Variants in DEPTOR observed in about 807,000 individuals in gnomAD.
DEPTOR encodes the protein DEP domain containing MTOR interacting protein.
A neutral mutation model predicts 41.6 loss-of-function variants in DEPTOR; 41 were observed. That is an observed-to-expected ratio of 0.98 (90% CI 0.77 to 1.28). The LOEUF is 1.28. Among genes scored for constraint, DEPTOR ranks in the 50% most tolerant of loss-of-function variants. The pLI, the probability that DEPTOR is intolerant of heterozygous loss-of-function variation, is 0.00. For missense variants in DEPTOR, 514 were observed against 527.9 expected (o/e 0.97, Z 0.26); for synonymous variants, 195 against 192.3 (o/e 1.01, Z -0.12).
chr8:119,914,231 G>A (rs1284360571), intron 1 of DEPTOR, among the ~76,000 whole-genome samples: 1 of 147,714 alleles, frequency 6.8e-6, no homozygotes, highest in Non-Finnish European at 1.5e-5. Context: ...TAGTAGAGAC[G>A]GGGTTTTGCC....
At position 120,001,628 on chromosome 8, in the gene DEPTOR, C is replaced by G; in HGVS notation, c.708C>G (p.Pro236=). The G allele has an allele frequency of 6.2e-7, 1 of 1,614,094 alleles. No homozygotes were observed. The highest frequency in any genetic ancestry group is 8.5e-7 in the Non-Finnish European group (1 of 1,180,004). ...RLMELLNEKS[P]SSQETHDSPF... Reference sequence around the variant, plus strand: ...TGGAGCTGCTCAATGAAAAGTCCCCCTCCTCCCAGGAAACTCATGACAGTC... The same window carrying G: ...TGGAGCTGCTCAATGAAAAGTCCCCGTCCTCCCAGGAAACTCATGACAGTC... Residue 236 remains proline (P), a synonymous_variant, in exon 5 of 9, where the codon CCC becomes CCG. Transcript: ENST00000286234.
chr8:119,879,189 G>A (rs1827266773), intron 1 of DEPTOR, among the ~76,000 whole-genome samples: 2 of 152,138 alleles, frequency 1.3e-5, no homozygotes, highest in African/African-American at 2.4e-5. Context: ...AAGTGTTTGT[G>A]AGGATGTGGA....
intron 1 of DEPTOR, among the ~76,000 whole-genome samples, chr8:119,897,087 T>C (rs1192333412): frequency 6.6e-6 from 1 of 152,200 alleles, no homozygotes; most frequent in Non-Finnish European, 1.5e-5. Context: ...CTAAAAATAT[T>C]AGAAGTTCTA....
chr8:119,917,010 A>G (rs1456254030), intron 1 of DEPTOR, among the ~76,000 whole-genome samples: 3 of 152,152 alleles, frequency 2.0e-5, no homozygotes, highest in Non-Finnish European at 4.4e-5. Flanking sequence ...GGCTTAAGCA[A>G]TCTGACAGCC....
intron 1 of DEPTOR, among the ~76,000 whole-genome samples, chr8:119,893,608 C>A (rs1827477681): frequency 6.6e-6 from 1 of 152,132 alleles, no homozygotes; most frequent in Non-Finnish European, 1.5e-5. Context: ...GTAGGTGGAT[C>A]ACTTGACGTC....
intron 8 of DEPTOR, among the ~76,000 whole-genome samples, chr8:120,034,523 C>A (rs1251940708): frequency 7.1e-6 from 1 of 139,980 alleles, no homozygotes. Context: ...TCTCAGCTCA[C>A]TGCAATCTCC....
intron 4 of DEPTOR, among the ~76,000 whole-genome samples, chr8:119,982,840 A>C (rs886865648): frequency 6.6e-6 from 1 of 152,218 alleles, no homozygotes; most frequent in Non-Finnish European, 1.5e-5. Flanking sequence ...TTCATCCTAC[A>C]TCTCATGGGC....
At chr8:119,909,530 A>T (rs1394854049) in intron 1 of DEPTOR, among the ~76,000 whole-genome samples, 1 of 152,226 alleles carries the variant, frequency 6.6e-6, no homozygotes, top group East Asian at 1.9e-4. Flanking sequence ...CAGAGAGAAA[A>T]CAGAGCCTTT....
Position 119,928,152 on chromosome 8 carries a change from G to A in DEPTOR, c.123-248G>A, listed in dbSNP as rs370092308. 1.5e-4 allele frequency among the ~76,000 whole-genome samples: 23 copies of A among 152,188 alleles called. No homozygotes were observed. The East Asian group carries it at 2.1e-3, about 14-fold the overall frequency. On this transcript the variant is annotated intron_variant, in intron 1 of 8. Coordinates refer to ENST00000286234, the MANE Select transcript of DEPTOR (RefSeq NM_022783.4). ...AGAGCTTTTCTCACTCTCAGGAGTG[G>A]CAGGAGGGTTCTGGGTTGGCTGTGA...
At chr8:119,982,014 TAAAAAAAAAA>T (rs35334859) in intron 4 of DEPTOR, among the ~76,000 whole-genome samples, 6 of 65,694 alleles carry the variant, frequency 9.1e-5, no homozygotes, top group East Asian at 5.1e-4. Flanking sequence ...ATTCCATCTC[TAAAAAAAAAA>T]AAAAAAAAAA....
At chr8:119,968,686 G>C (rs1828594846) in intron 4 of DEPTOR, among the ~76,000 whole-genome samples, 1 of 152,138 alleles carries the variant, frequency 6.6e-6, no homozygotes, top group Non-Finnish European at 1.5e-5. Flanking sequence ...AAATCAGAAG[G>C]TGAAGGCACC....
chr8:120,006,768 G>A (rs2130095919), intron 6 of DEPTOR, 37 bp from the exon 7 acceptor site: 2 of 1,596,690 alleles, frequency 1.3e-6, no homozygotes, highest in African/African-American at 2.7e-5. Context: ...AGAGGACTTG[G>A]AAGTGCTTAT....
intron 1 of DEPTOR, among the ~76,000 whole-genome samples, chr8:119,887,143 T>TCCTCC (rs1563956967): frequency 4.2e-4 from 5 of 11,836 alleles, no homozygotes; most frequent in African/African-American, 1.8e-3. Flanking sequence ...CCCCCTCCCC[T>TCCTCC]CCTCCCCTCC....
chr8:119,928,565 C>A lies in DEPTOR; in HGVS notation c.288C>A (p.Gly96=). 6.2e-7 allele frequency: 1 copy of A among 1,614,036 alleles called. No individual in the cohort carries two copies. Among genetic ancestry groups the A allele is most frequent in the Non-Finnish European group, 8.5e-7 (1 of 1,179,990 alleles). ...IKLMQKLADR[G]IIHHVCDEHK... ...TCATGCAGAAATTAGCAGACCGGGG[C>A]ATTATTCACCATGGTGAGTGCGGTG... The change falls in exon 2 of 9, where the codon GGC becomes GGA. Residue 96 remains glycine, a synonymous_variant. Coordinates refer to ENST00000286234, the MANE Select transcript of DEPTOR (RefSeq NM_022783.4).
intron 1 of DEPTOR, among the ~76,000 whole-genome samples, chr8:119,889,633 A>AGGGGAGGGGCGGGGAGGAT (rs1827423455): frequency 5.8e-5 from 1 of 17,156 alleles, no homozygotes. Flanking sequence ...AGGGAAGGGA[A>AGGGGAGGGGCGGGGAGGAT]GGGGAGGGGA....
intron 8 of DEPTOR, among the ~76,000 whole-genome samples, chr8:120,025,587 A>G (rs1812784249): frequency 6.6e-6 from 1 of 152,136 alleles, no homozygotes; most frequent in Admixed American, 6.5e-5. Context: ...AGCTCAGTAA[A>G]TATCATTGCC....
intron 8 of DEPTOR, among the ~76,000 whole-genome samples, chr8:120,011,177 A>C (rs1007486197): frequency 1.3e-5 from 2 of 152,202 alleles, no homozygotes; most frequent in African/African-American, 4.8e-5. Context: ...AAAATGGCTC[A>C]AGGAAGCAAA....
intron 7 of DEPTOR, among the ~76,000 whole-genome samples, chr8:120,008,036 T>G (rs1812471460): frequency 6.6e-6 from 1 of 152,238 alleles, no homozygotes; most frequent in African/African-American, 2.4e-5. Context: ...GGTTGGGATA[T>G]GTGTGAAAGA....
At chr8:120,001,842 T>A in intron 5 of DEPTOR, 132 bp downstream of exon 5, 1 of 1,139,926 alleles carries the variant, frequency 8.8e-7, no homozygotes, top group African/African-American at 1.6e-5. Flanking sequence ...CCAAGAAGCA[T>A]GAAAAAAATT....
Sources: gnomAD v4.1 joint callset for allele counts (sites outside exome capture counted in the v4.1 genomes callset) on GRCh38, gnomAD v4.1.1 for gene constraint, MANE v1.5 for transcripts, NCBI Gene and HGNC (gene_info 2026-07-23, HGNC 2026-07-21) for gene names.